FBXW2: variants seen among roughly 807,000 people sequenced by gnomAD.
The protein encoded by FBXW2 is F-box/WD repeat-containing protein 2.
Under a neutral mutation model 46.0 loss-of-function variants are expected in FBXW2, and 12 were observed. The ratio of observed to expected loss-of-function variants is 0.26; its 90% CI spans 0.17 to 0.42. FBXW2 has a LOEUF of 0.42. Ranked by LOEUF, FBXW2 falls within the 10% of genes least tolerant of loss-of-function variation. The pLI, the probability that FBXW2 is intolerant of heterozygous loss-of-function variation, is 1.00. For synonymous variants in FBXW2, 203 were observed against 209.6 expected (o/e 0.97, Z 0.27); for missense variants, 360 against 537.0 (o/e 0.67, Z 3.26).
At position 120,793,172 on chromosome 9, in the gene FBXW2, G is replaced by A. The variant is rs1447120943; in HGVS notation, c.-44C>T. The A allele has an allele frequency of 1.7e-6, 1 of 576,210 alleles. No individual in the cohort carries two copies. Among genetic ancestry groups the A allele is most frequent in the African/African-American group, 1.9e-5 (1 of 52,664 alleles). The allele number at this position is 576,210 out of a possible 1,614,324, so 35.7% of individuals were successfully genotyped here. ...ACCTGAGCGAGCGCCCCGGGGCCCG[G>A]GACCTCGCGCCGGGTTCACAGCTAC... On this transcript the variant is annotated 5_prime_UTR_variant, in exon 2 of 8. Coordinates refer to ENST00000608872, the MANE Select transcript of FBXW2 (RefSeq NM_012164.4).
Position 120,785,895 on chromosome 9 carries a change from C to G in FBXW2, c.490+1874G>C, listed in dbSNP as rs142062456. Among the ~76,000 whole-genome samples, 33 of 151,726 alleles carry G rather than the reference C, an allele frequency of 2.2e-4. No homozygotes were observed. In the East Asian group the frequency reaches 5.8e-3, roughly 27 times the overall value. ...AAAATTAGCCGGGTGTGGTGGCGCA[C>G]ACCTGTAATCCCAGCTACTCGGGAG... On this transcript the variant is annotated intron_variant, in intron 3 of 7. Transcript: ENST00000608872.
Position 120,758,606 on chromosome 9 carries a change from AAAAATCCAGGTGTGTGGGGGCTG to A in FBXW2, c.*5930_*5952del, listed in dbSNP as rs1310376144. On this transcript the variant is annotated 3_prime_UTR_variant, in exon 8 of 8. Transcript: ENST00000608872. ...GAACAGACAAACATGAAAACATGGA[AAAAATCCAGGTGTGTGGGGGCTG>A]AAAATCAGGGCTTCAGCCTCACCAC... is the stretch of plus-strand genomic sequence containing the variant. 6.6e-6 allele frequency: 1 copy of A among 152,298 alleles called. No individual in the cohort carries two copies. Among genetic ancestry groups the A allele is most frequent in the African/African-American group, 2.4e-5 (1 of 41,468 alleles). The allele number at this position is 152,298 out of a possible 1,614,324, so 9.4% of individuals were successfully genotyped here.
chr9:120,777,407 G>A (rs2044519876), intron 4 of FBXW2, among the ~76,000 whole-genome samples: 1 of 152,232 alleles, frequency 6.6e-6, no homozygotes, highest in African/African-American at 2.4e-5. Context: ...CAGGTACAGT[G>A]CAAGTAACTC....
rs1034857383 is a variant in FBXW2, at chr9:120,784,699, C to T, written c.490+3070G>A. ...CTTTGGGAGGCCGAGGCAGGCAGAT[C>T]ATCTGAGATCAGGAGTTTGAGACCA... On this transcript the variant is annotated intron_variant, in intron 3 of 7. Coordinates refer to ENST00000608872, the MANE Select transcript of FBXW2 (RefSeq NM_012164.4). Among the ~76,000 whole-genome samples, 8 of 151,770 alleles carry T rather than the reference C, an allele frequency of 5.3e-5. No homozygotes were observed. The Middle Eastern group carries it at 0.01, about 196-fold the overall frequency.
intron 2 of FBXW2, among the ~76,000 whole-genome samples, chr9:120,789,905 C>T (rs911197909): frequency 6.6e-6 from 1 of 152,190 alleles, no homozygotes; most frequent in African/African-American, 2.4e-5. Context: ...CAAGATAATA[C>T]GTTTCAAGCC....
chr9:120,781,040 A>G (rs1259118147), intron 3 of FBXW2, among the ~76,000 whole-genome samples: 1 of 152,136 alleles, frequency 6.6e-6, no homozygotes, highest in Non-Finnish European at 1.5e-5. Flanking sequence ...TCATGGCAAA[A>G]AAAAAAAAAC....
chr9:120,783,488 G>T (rs1237448445), intron 3 of FBXW2, among the ~76,000 whole-genome samples: 1 of 152,118 alleles, frequency 6.6e-6, no homozygotes, highest in East Asian at 1.9e-4. Context: ...CTATTGCACA[G>T]AACTCTAGAT....
intron 4 of FBXW2, among the ~76,000 whole-genome samples, chr9:120,777,115 T>A (rs1272925222): frequency 6.6e-6 from 1 of 152,150 alleles, no homozygotes; most frequent in Non-Finnish European, 1.5e-5. Context: ...ACCTCAGCAA[T>A]GTCTAGGCAA....
chr9:120,779,304 C>T (rs1289803938), intron 3 of FBXW2, among the ~76,000 whole-genome samples: 1 of 152,188 alleles, frequency 6.6e-6, no homozygotes, highest in African/African-American at 2.4e-5. Context: ...AATGACCCTT[C>T]AATAAGCCTC....
intron 6 of FBXW2, among the ~76,000 whole-genome samples, chr9:120,771,851 G>C (rs1391758334): frequency 6.6e-6 from 1 of 152,040 alleles, no homozygotes; most frequent in African/African-American, 2.4e-5. Context: ...CTGAGGTCAG[G>C]AGTTCAAGAC....
Position 120,760,859 on chromosome 9 carries a change from G to A in FBXW2, c.*3700C>T, listed in dbSNP as rs2044186859. 6.6e-6 allele frequency: 1 copy of A among 151,958 alleles called. No individual in the cohort carries two copies. The highest frequency in any genetic ancestry group is 1.5e-5 in the Non-Finnish European group (1 of 67,942). The allele number at this position is 151,958 out of a possible 1,614,324, so 9.4% of individuals were successfully genotyped here. A position where few individuals can be genotyped will look rare whatever the true frequency, so the allele number is the denominator to read the frequency against. Reference sequence around the variant, plus strand: ...ACTGTTTCCGAAAGTTATTTCTTTTGTTTTACAAATAGAGAGCAGTAATCA... The same window carrying A: ...ACTGTTTCCGAAAGTTATTTCTTTTATTTTACAAATAGAGAGCAGTAATCA... On this transcript the variant is annotated 3_prime_UTR_variant, in exon 8 of 8. Transcript: ENST00000608872.
chr9:120,791,591 A>C (rs933778952), intron 2 of FBXW2, among the ~76,000 whole-genome samples: 1 of 152,212 alleles, frequency 6.6e-6, no homozygotes, highest in African/African-American at 2.4e-5. Context: ...ACTACTATGA[A>C]CACCTGGCAG....
intron 3 of FBXW2, among the ~76,000 whole-genome samples, chr9:120,782,724 C>T (rs907121355): frequency 6.6e-6 from 1 of 152,030 alleles, no homozygotes; most frequent in African/African-American, 2.4e-5. Flanking sequence ...CACACGTAGT[C>T]CCAGCTACTT....
At chr9:120,771,304 A>G (rs1270748361) in intron 7 of FBXW2, 44 bp downstream of exon 7, 1 of 1,555,238 alleles carries the variant, frequency 6.4e-7, no homozygotes, top group Admixed American at 1.9e-5. Flanking sequence ...ACTGAACTGC[A>G]GCAGGCTTTC....
At chr9:120,786,018 C>CAAAAA (rs3047150) in intron 3 of FBXW2, among the ~76,000 whole-genome samples, 12 of 40,532 alleles carry the variant, frequency 3.0e-4, no homozygotes, top group East Asian at 1.2e-3. Context: ...GACTCCATCT[C>CAAAAA]AAAAAAAAAA....
At chr9:120,769,308 A>G (rs2044329372) in intron 7 of FBXW2, among the ~76,000 whole-genome samples, 1 of 152,206 alleles carries the variant, frequency 6.6e-6, no homozygotes, top group Admixed American at 6.5e-5. Flanking sequence ...CAGACACAAG[A>G]CAGACTCTTT....
intron 4 of FBXW2, 114 bp from the exon 5 acceptor site, chr9:120,776,340 G>A (rs1447076814): frequency 1.8e-5 from 22 of 1,204,736 alleles, no homozygotes; most frequent in South Asian, 4.7e-5. Context: ...CAGAGACACC[G>A]TAAGAATGAT....
intron 6 of FBXW2, among the ~76,000 whole-genome samples, chr9:120,772,060 G>GAAA (rs59520792): frequency 1.7e-3 from 88 of 51,072 alleles, no homozygotes; most frequent in African/African-American, 2.0e-3. Context: ...CCCTGTCTCA[G>GAAA]AAAAAAAAAA....
chr9:120,776,319 A>C (rs1447123692), intron 4 of FBXW2, 93 bp from the exon 5 acceptor site: 2 of 1,424,894 alleles, frequency 1.4e-6, no homozygotes, highest in East Asian at 4.8e-5. Context: ...CCAATTATAT[A>C]ATTTCCCAAC....
Sources: allele counts gnomAD v4.1 joint callset (sites outside exome capture counted in the v4.1 genomes callset), GRCh38; gene constraint gnomAD v4.1.1; transcripts MANE v1.5; gene names NCBI Gene and HGNC (gene_info 2026-07-23, HGNC 2026-07-21).